Variants in SDK1 observed in about 807,000 individuals in gnomAD.
SDK1 encodes protein sidekick-1.
A neutral mutation model predicts 245.5 loss-of-function variants in SDK1; 157 were observed. The ratio of observed to expected loss-of-function variants is 0.64; its 90% CI spans 0.56 to 0.73. The LOEUF is 0.73. SDK1 is among the 30% of genes least tolerant of loss of function. The pLI, the probability that SDK1 is intolerant of heterozygous loss-of-function variation, is 0.00. For missense variants in SDK1, 3,583 were observed against 3,002.3 expected, an observed-to-expected ratio of 1.19 and a Z score of -4.52; for synonymous variants, 1,647 against 1,278.5, an observed-to-expected ratio of 1.29 and a Z score of -6.15.
intron 43 of SDK1, among the ~76,000 whole-genome samples, chr7:4,244,864 C>G (rs769209366): frequency 3.9e-5 from 6 of 152,200 alleles, no homozygotes; most frequent in Admixed American, 6.5e-5. Flanking sequence ...GCCCTCATGT[C>G]CTGGAGGCCG....
At chr7:4,081,784 G>T (rs1313833685) in intron 22 of SDK1, among the ~76,000 whole-genome samples, 1 of 152,078 alleles carries the variant, frequency 6.6e-6, no homozygotes, top group East Asian at 1.9e-4. Context: ...AATAGAGTAA[G>T]CCCTCTTATA....
chr7:4,206,265 T>G (rs1000665412), intron 36 of SDK1, among the ~76,000 whole-genome samples: 5 of 152,324 alleles, frequency 3.3e-5, no homozygotes, highest in Non-Finnish European at 7.4e-5. Context: ...GTCCACTGGC[T>G]TCTCCCCACT....
chr7:4,233,700 T>C (rs999300145), intron 41 of SDK1, among the ~76,000 whole-genome samples: 2 of 152,138 alleles, frequency 1.3e-5, no homozygotes, highest in Non-Finnish European at 2.9e-5. Context: ...TCCAGCTTAG[T>C]TGAGGTTCTG....
At chr7:3,362,817 G>A (rs1055183649) in intron 1 of SDK1, among the ~76,000 whole-genome samples, 6 of 152,132 alleles carry the variant, frequency 3.9e-5, no homozygotes, top group African/African-American at 7.2e-5. Flanking sequence ...TTTTCCATGC[G>A]TGTGTGATTA....
intron 1 of SDK1, among the ~76,000 whole-genome samples, chr7:3,525,737 A>G (rs376793227): frequency 6.6e-6 from 1 of 152,084 alleles, no homozygotes; most frequent in Non-Finnish European, 1.5e-5. Context: ...CAAATGCCCT[A>G]TTATTTCCTG....
intron 9 of SDK1, among the ~76,000 whole-genome samples, chr7:3,964,695 T>C (rs2120330): frequency 0.97 from 147,923 of 152,242 alleles, 71,918 homozygotes; most frequent in East Asian, 1. Flanking sequence ...TTATACCTTT[T>C]GTGTTTGCCC....
At chr7:3,968,794 T>A (rs181172062) in intron 10 of SDK1, among the ~76,000 whole-genome samples, 2 of 152,356 alleles carry the variant, frequency 1.3e-5, no homozygotes, top group East Asian at 1.9e-4. Context: ...TTATTCTGAT[T>A]ATTTCCTTAA....
chr7:3,702,470 G>C (rs1226279158), intron 4 of SDK1, among the ~76,000 whole-genome samples: 9 of 152,148 alleles, frequency 5.9e-5, no homozygotes, highest in Non-Finnish European at 1.3e-4. Flanking sequence ...TACTGGACAT[G>C]AATAAGCACC....
At chr7:3,387,676 G>C (rs1781643509) in intron 1 of SDK1, among the ~76,000 whole-genome samples, 1 of 152,194 alleles carries the variant, frequency 6.6e-6, no homozygotes, top group African/African-American at 2.4e-5. Flanking sequence ...CGATGTGAAT[G>C]TATGTAGTAT....
intron 5 of SDK1, among the ~76,000 whole-genome samples, chr7:3,826,340 A>G (rs988554350): frequency 2.0e-5 from 3 of 152,210 alleles, no homozygotes; most frequent in Admixed American, 6.5e-5. Context: ...ATGGCGCAAT[A>G]TGCACTTTGT....
chr7:3,936,562 G>T (rs1780167050), intron 5 of SDK1, among the ~76,000 whole-genome samples: 1 of 149,520 alleles, frequency 6.7e-6, no homozygotes, highest in African/African-American at 2.5e-5. Flanking sequence ...TCCAGCCTGT[G>T]TGACAGAGCA....
At chr7:3,330,718 A>G (rs761756699) in intron 1 of SDK1, among the ~76,000 whole-genome samples, 6 of 151,710 alleles carry the variant, frequency 4.0e-5, no homozygotes, top group Non-Finnish European at 7.4e-5. Flanking sequence ...CATGCCTGCA[A>G]TCTCAACACT....
intron 5 of SDK1, among the ~76,000 whole-genome samples, chr7:3,878,650 C>T (rs557430101): frequency 4.3e-4 from 66 of 152,324 alleles, no homozygotes; most frequent in African/African-American, 1.5e-3. Flanking sequence ...CTCATATAAT[C>T]CTCTCTCTTT....
intron 1 of SDK1, among the ~76,000 whole-genome samples, chr7:3,521,614 A>G (rs1461627348): frequency 1.3e-5 from 2 of 152,208 alleles, no homozygotes; most frequent in South Asian, 2.1e-4. Flanking sequence ...AAGGCCTTAT[A>G]GAGGAGGAAG....
At chr7:4,231,094 A>G (rs1033051314) in intron 40 of SDK1, among the ~76,000 whole-genome samples, 3 of 152,098 alleles carry the variant, frequency 2.0e-5, no homozygotes, top group African/African-American at 7.2e-5. Context: ...CTTAAGCCAA[A>G]CTCACATACG....
At chr7:4,259,991 C>G (rs971631757) in intron 44 of SDK1, among the ~76,000 whole-genome samples, 1 of 152,208 alleles carries the variant, frequency 6.6e-6, no homozygotes, top group African/African-American at 2.4e-5. Context: ...AGATCATGCC[C>G]GGGCATTAAT....
At chr7:3,757,633 G>T (rs1399514167) in intron 4 of SDK1, among the ~76,000 whole-genome samples, 1 of 152,154 alleles carries the variant, frequency 6.6e-6, no homozygotes, top group Admixed American at 6.5e-5. Context: ...GTGGGGGAGG[G>T]TGCAGTACTC....
At chr7:4,178,652 G>T (rs768012610) in intron 35 of SDK1, 66 bp downstream of exon 35, 6 of 1,172,762 alleles carry the variant, frequency 5.1e-6, no homozygotes, top group South Asian at 1.2e-5. Flanking sequence ...AGCCAGGCAC[G>T]CTGCGGCCAA....
chr7:4,030,796 T>C (rs1419772953), intron 17 of SDK1, among the ~76,000 whole-genome samples: 1 of 152,222 alleles, frequency 6.6e-6, no homozygotes, highest in Non-Finnish European at 1.5e-5. Flanking sequence ...TTATCACTTA[T>C]ATTTAAAGCT....
Sources: allele counts gnomAD v4.1 joint callset (sites outside exome capture counted in the v4.1 genomes callset), GRCh38; gene constraint gnomAD v4.1.1; transcripts MANE v1.5; gene names NCBI Gene and HGNC (gene_info 2026-07-23, HGNC 2026-07-21).